The following CTSA variants were observed in gnomAD, a reference collection of about 807,000 sequenced individuals.
CTSA encodes the protein lysosomal protective protein.
Under a neutral mutation model 66.7 loss-of-function variants are expected in CTSA, and 42 were observed. The observed-to-expected ratio is 0.63, with a 90% confidence interval of 0.49 to 0.81. The LOEUF (loss-of-function observed/expected upper bound fraction) is 0.81. Ranked by LOEUF, CTSA falls within the 40% of genes least tolerant of loss-of-function variation. The pLI, the probability that CTSA is intolerant of heterozygous loss-of-function variation, is 0.00. For missense variants in CTSA, 525 were observed against 610.9 expected (o/e 0.86, Z 1.48); for synonymous variants, 225 against 248.6 (o/e 0.91, Z 0.89).
At position 45,892,733 on chromosome 20, in the gene CTSA, G is replaced by C; in HGVS notation, c.453G>C (p.Gln151His). Residue 151 changes from glutamine (Q) to histidine (H), a missense_variant, in exon 6 of 15, where the codon CAG (glutamine) becomes CAC (histidine). Transcript: ENST00000646241. ...TGCTCTGCCATCCCCAGGTCGCCCA[G>C]AGCAATTTTGAGGCCCTTCAAGATT... ...FYATNDTEVAQSNFEALQDFF... is the reference protein window; with the variant it reads ...FYATNDTEVAHSNFEALQDFF... 1.2e-6 allele frequency: 2 copies of C among 1,614,198 alleles called. No individual in the cohort carries two copies. Among genetic ancestry groups the C allele is most frequent in the South Asian group, 2.2e-5 (2 of 91,082 alleles).
chr20:45,894,457 G>A (rs1987130525), intron 8 of CTSA, 193 bp from the exon 9 acceptor site: 1 of 666,878 alleles, frequency 1.5e-6, no homozygotes, highest in Admixed American at 2.1e-5. Context: ...AAGTCACAGT[G>A]TTGGGAGGCA....
At position 45,892,319 on chromosome 20, in the gene CTSA, A is replaced by C. The variant is rs1601139549; in HGVS notation, c.353A>C (p.Asn118Thr). 6.2e-7 allele frequency: 1 copy of C among 1,614,014 alleles called. No homozygotes were observed. The highest frequency in any genetic ancestry group is 2.2e-5 in the East Asian group (1 of 44,864). The change falls in exon 4 of 15, where the codon AAT (asparagine) becomes ACT (threonine). Residue 118 changes from asparagine to threonine, a missense_variant. Asn to Thr is a moderately conservative substitution (Grantham distance 65). This residue lies in a region of CTSA where 246 missense variants were observed against 267.4 expected (regional missense o/e 0.92). Transcript: ENST00000646241. The part of the protein sequence containing the change: ...VTLEYNPYSW[N>T]LIANVLYLES... ...CTGGAGTACAACCCCTATTCTTGGA[A>C]TCTGGTATAGCTGGAGCTGTGGGTG... is the stretch of plus-strand genomic sequence containing the variant.
intron 11 of CTSA, 61 bp from the exon 12 acceptor site, chr20:45,896,904 C>A (rs1252121507): frequency 7.5e-7 from 1 of 1,332,878 alleles, no homozygotes; most frequent in Non-Finnish European, 1.1e-6. Context: ...AAGGTCTGAT[C>A]TGTTGACTAC....
In CTSA at chr20:45,892,046, G is replaced by T. The variant is rs1285812508; in HGVS notation, c.306+19G>T. On this transcript the variant is annotated intron_variant, in intron 3 of 14. Transcript: ENST00000646241. ...CTTCCTGGTGAGTGGACAGCAGGGG[G>T]AAAGCACAGTTCCCAAAGTAAAAGG... 1.3e-6 allele frequency: 2 copies of T among 1,599,406 alleles called. No homozygotes were observed. Among genetic ancestry groups the T allele is most frequent in the South Asian group, 2.2e-5 (2 of 90,796 alleles).
In CTSA at chr20:45,898,001, G is replaced by A. The variant is rs968300329; in HGVS notation, c.1255-4G>A. The A allele has an allele frequency of 6.2e-7, 1 of 1,614,076 alleles. No individual in the cohort carries two copies. The highest frequency in any genetic ancestry group is 2.2e-5 in the East Asian group (1 of 44,876). On this transcript the variant is annotated splice_region_variant and splice_polypyrimidine_tract_variant and intron_variant, in intron 13 of 14. Coordinates refer to ENST00000646241, the MANE Select transcript of CTSA (RefSeq NM_000308.4). The surrounding 1 kb of genome is among the most constrained non-coding windows in gnomAD (Gnocchi z 4.6). ...GTAGGCTGATGTCTTTCCTGGTGGG[G>A]CAGATGGAGGTGCAGCGCCGGCCCT...
Position 45,898,422 on chromosome 20 carries a change from C to T in CTSA, c.1415C>T (p.Ser472Phe). ...CCCCTCGCTGCCTTCACCATGTTCT[C>T]CCGCTTCCTGAACAAGCAGCCATAC... ...DKPLAAFTMF[S>F]RFLNKQPY The change falls in exon 15 of 15, where the codon TCC becomes TTC. Residue 472 changes from serine (S) to phenylalanine (F), a missense_variant. Transcript: ENST00000646241. The surrounding 1 kb of genome is among the most constrained non-coding windows in gnomAD (Gnocchi z 4.6). 2 of 1,614,056 alleles carry T rather than the reference C, an allele frequency of 1.2e-6. No homozygotes were observed. The highest frequency in any genetic ancestry group is 8.5e-7 in the Non-Finnish European group (1 of 1,179,990).
At position 45,894,651 on chromosome 20, in the gene CTSA, T is replaced by C. The variant is rs145354134; in HGVS notation, c.779T>C (p.Leu260Pro). Reference protein sequence around the residue: ...DNKDLECVTNLQEVARIVGNS... With the variant: ...DNKDLECVTNPQEVARIVGNS... Reference sequence around the variant, plus strand: ...TGGTGGCTTGGTGTATCATTGCAGCTTCAGGAAGTGGCCCGCATCGTGGGC... The same window carrying C: ...TGGTGGCTTGGTGTATCATTGCAGCCTCAGGAAGTGGCCCGCATCGTGGGC... The change falls in exon 9 of 15, where the codon CTT becomes CCT. Residue 260 changes from leucine to proline, a missense_variant and splice_region_variant. Physicochemically the swap from Leu to Pro is moderately conservative, Grantham distance 98. This residue lies in a region of CTSA where 274 missense variants were observed against 321.1 expected (regional missense o/e 0.85). Coordinates refer to ENST00000646241, the MANE Select transcript of CTSA (RefSeq NM_000308.4). 1.9e-6 allele frequency: 3 copies of C among 1,613,980 alleles called. No homozygotes were observed. The highest frequency in any genetic ancestry group is 2.7e-5 in the African/African-American group (2 of 75,032).
chr20:45,898,748 A>G lies in CTSA; in HGVS notation c.*298A>G. Reference sequence around the variant, plus strand: ...CCAGGAACCCAACAGAGCTCAGGACAGCCCACAGGGAGGTGGTGGACGGAC... The same window carrying G: ...CCAGGAACCCAACAGAGCTCAGGACGGCCCACAGGGAGGTGGTGGACGGAC... On this transcript the variant is annotated 3_prime_UTR_variant, in exon 15 of 15. Transcript: ENST00000646241. This position sits in a 1 kb window ranked among gnomAD's most constrained non-coding sequence, Gnocchi z 4.6. The G allele has an allele frequency of 1.4e-6, 1 of 714,792 alleles. No individual in the cohort carries two copies. Among genetic ancestry groups the G allele is most frequent in the Non-Finnish European group, 2.3e-6 (1 of 433,864 alleles). 44.3% of individuals were successfully genotyped at this position (714,792 alleles called of 1,614,324 possible). A position where few individuals can be genotyped will look rare whatever the true frequency, so the allele number is the denominator to read the frequency against.
At chr20:45,894,571 G>A (rs895039329) in intron 8 of CTSA, 79 bp from the exon 9 acceptor site, 7 of 1,292,740 alleles carry the variant, frequency 5.4e-6, no homozygotes, top group Admixed American at 1.7e-5. Context: ...TCCAAGAGCA[G>A]TAAATCTTGG....
rs1402046940 is a variant in CTSA at position 45,892,431 on chromosome 20, G to T, written c.391G>T (p.Gly131Trp). The T allele has an allele frequency of 1.2e-6, 2 of 1,614,190 alleles. No individual in the cohort carries two copies. The highest frequency in any genetic ancestry group is 2.2e-5 in the South Asian group (2 of 91,076). ...ANVLYLESPAGVGFSYSDDKF... is the reference protein window; with the variant it reads ...ANVLYLESPAWVGFSYSDDKF... Reference sequence around the variant, plus strand: ...TGTGTTATACCTGGAGTCCCCAGCTGGGGTGGGCTTCTCCTACTCCGATGA... The same window carrying T: ...TGTGTTATACCTGGAGTCCCCAGCTTGGGTGGGCTTCTCCTACTCCGATGA... Residue 131 changes from glycine (G) to tryptophan (W), a missense_variant, in exon 5 of 15, where the codon GGG (glycine) becomes TGG (tryptophan). Transcript: ENST00000646241.
chr20:45,898,302 G>A lies in CTSA; in HGVS notation c.1360-65G>A, dbSNP rs182352094. 323 of 1,433,120 alleles carry A rather than the reference G, an allele frequency of 2.3e-4. 4 individuals carry two copies. Among genetic ancestry groups the A allele is most frequent in the Non-Finnish European group, 4.8e-5 (49 of 1,026,708 alleles). 88.8% of individuals were successfully genotyped at this position (1,433,120 alleles called of 1,614,324 possible). On this transcript the variant is annotated intron_variant, in intron 14 of 14. Transcript: ENST00000646241. This position sits in a 1 kb window ranked among gnomAD's most constrained non-coding sequence, Gnocchi z 4.6. ...GGTTTGGGATGAAGGAATTGCCCCC[G>A]AGTGAGCAGTTATATGGGGAGGAGG...
Position 45,894,845 on chromosome 20 carries a change from G to T in CTSA, c.892G>T (p.Val298Phe). The change falls in exon 10 of 15, where the codon GTC (valine) becomes TTC (phenylalanine). Residue 298 changes from valine (V) to phenylalanine (F), a missense_variant. Transcript: ENST00000646241. Reference sequence around the variant, plus strand: ...CAGGTATGAGAAGGACACTGTTGTGGTCCAGGATTTGGGCAACATCTTCAC... The same window carrying T: ...CAGGTATGAGAAGGACACTGTTGTGTTCCAGGATTTGGGCAACATCTTCAC... The part of the protein sequence containing the change: ...HFRYEKDTVV[V>F]QDLGNIFTRL... 6.2e-7 allele frequency: 1 copy of T among 1,614,110 alleles called. No individual in the cohort carries two copies. Among genetic ancestry groups the T allele is most frequent in the Admixed American group, 1.7e-5 (1 of 60,016 alleles).
Position 45,892,217 on chromosome 20 carries a change from T to C in CTSA, c.307-56T>C, listed in dbSNP as rs1986995538. The C allele has an allele frequency of 3.6e-5, 58 of 1,589,930 alleles. 2 individuals are homozygous for C. In the South Asian group the frequency reaches 6.4e-4, roughly 18 times the overall value. ...TGTAAAGTGCCTCTCATGGTGGCCC[T>C]TTCCCTCCACCCAGCTGGCCCTTGG... On this transcript the variant is annotated intron_variant, in intron 3 of 14. Coordinates refer to ENST00000646241, the MANE Select transcript of CTSA (RefSeq NM_000308.4).
Position 45,895,046 on chromosome 20 carries a change from C to G in CTSA, c.1001C>G (p.Thr334Arg). The G allele has an allele frequency of 6.2e-7, 1 of 1,614,200 alleles. No individual in the cohort carries two copies. The highest frequency in any genetic ancestry group is 1.1e-5 in the South Asian group (1 of 91,092). The stretch of plus-strand genomic sequence containing the variant: ...CGCATGGACCCCCCCTGCACCAACA[C>G]AACAGCTGCTTCCACCTACCTCAAC... ...KVRMDPPCTN[T>R]TAASTYLNNP... The change falls in exon 11 of 15, where the codon ACA (threonine) becomes AGA (arginine). Residue 334 changes from threonine to arginine, a missense_variant. Thr to Arg is a moderately conservative substitution (Grantham distance 71). This residue lies in a region of CTSA where 274 missense variants were observed against 321.1 expected (regional missense o/e 0.85). Coordinates refer to ENST00000646241, the MANE Select transcript of CTSA (RefSeq NM_000308.4).
intron 3 of CTSA, 61 bp downstream of exon 3, chr20:45,892,088 AG>A (rs1333547962): frequency 1.2e-5 from 18 of 1,533,886 alleles, no homozygotes; most frequent in Non-Finnish European, 1.6e-5. Flanking sequence ...AAAGCGAGAG[AG>A]GGGCTTTGTG....
chr20:45,893,377 C>T, intron 7 of CTSA, 66 bp downstream of exon 7: 1 of 1,208,340 alleles, frequency 8.3e-7, no homozygotes, highest in Non-Finnish European at 1.2e-6. Flanking sequence ...GGTCTGTCCT[C>T]CAGGCACATG....
At chr20:45,895,295 CAATTCATTCTTTTATCTTTTTTA>C in intron 11 of CTSA, 162 bp downstream of exon 11, 1 of 784,602 alleles carries the variant, frequency 1.3e-6, no homozygotes. Context: ...GAGAGTCAGC[CAATTCATTCTTTTATCTTTTTTA>C]AATTTAAAAT....
intron 12 of CTSA, chr20:45,897,507 A>C (rs1223355655): frequency 7.1e-6 from 4 of 559,588 alleles, no homozygotes; most frequent in East Asian, 3.2e-5. Context: ...TCCATCTGTA[A>C]AATGGGGATA....
At position 45,892,858 on chromosome 20, in the gene CTSA, A is replaced by G. The variant is rs1244064907; in HGVS notation, c.578A>G (p.Gln193Arg). The change falls in exon 6 of 15, where the codon CAG (glutamine) becomes CGG (arginine). Residue 193 changes from glutamine to arginine, a missense_variant. By Grantham distance (43) the Gln-to-Arg change is conservative. Coordinates refer to ENST00000646241, the MANE Select transcript of CTSA (RefSeq NM_000308.4). ...CCCACCCTGGCCGTGCTGGTCATGC[A>G]GGATCCCAGCATGAACCTTCAGGTG... ...YIPTLAVLVM[Q>R]DPSMNLQGLA... 6.2e-7 allele frequency: 1 copy of G among 1,614,132 alleles called. No individual in the cohort carries two copies.
Sources: allele counts gnomAD v4.1 joint callset, GRCh38; gene constraint gnomAD v4.1.1; regional missense constraint gnomAD v4.1.1; non-coding constraint Gnocchi (gnomAD v3.1); transcripts MANE v1.5; gene names NCBI Gene and HGNC (gene_info 2026-07-23, HGNC 2026-07-21).